FRAS1: variants seen among roughly 807,000 people sequenced by gnomAD.
FRAS1 encodes the protein Fraser extracellular matrix complex subunit 1, also known as extracellular matrix organizing protein FRAS1.
In FRAS1, 290 loss-of-function variants were observed where a neutral mutation model predicts 435.2. That is an observed-to-expected ratio of 0.67 (90% confidence interval 0.61 to 0.73). The LOEUF (loss-of-function observed/expected upper bound fraction) is 0.73. FRAS1 is among the 30% of genes least tolerant of loss of function. The pLI is 0.00. For missense variants in FRAS1, 4,860 were observed against 5,001.5 expected, an observed-to-expected ratio of 0.97 and a Z score of 0.85; for synonymous variants, 1,800 against 1,851.0, an observed-to-expected ratio of 0.97 and a Z score of 0.71.
chr4:78,270,739 A>G (rs766575036), intron 9 of FRAS1, among the ~76,000 whole-genome samples: 1 of 152,110 alleles, frequency 6.6e-6, no homozygotes, highest in African/African-American at 2.4e-5. Flanking sequence ...TTACATGCAT[A>G]TCAACTCTTT....
chr4:78,089,388 C>T (rs1341049107), intron 2 of FRAS1, among the ~76,000 whole-genome samples: 2 of 151,802 alleles, frequency 1.3e-5, no homozygotes, highest in Admixed American at 6.6e-5. Context: ...ATGTAACAAA[C>T]CTGCACATTG....
At chr4:78,506,605 A>G (rs768903452) in intron 61 of FRAS1, among the ~76,000 whole-genome samples, 30 of 152,204 alleles carry the variant, frequency 2.0e-4, no homozygotes, top group Non-Finnish European at 8.8e-5. Flanking sequence ...AGACTGTGGG[A>G]AAAGTGCAGT....
rs376208393 is a variant in FRAS1 at position 78,218,090 on chromosome 4, A to ACTCTCT, written c.109-19416_109-19411dup. Among the ~76,000 whole-genome samples the ACTCTCT allele has an allele frequency of 3.4e-4, 5 of 14,540 alleles. 1 individual carries two copies. The highest frequency in any genetic ancestry group is 1.0e-3 in the African/African-American group (5 of 4,888). 9.5% of individuals were successfully genotyped at this position (14,540 alleles called of 152,430 possible). On this transcript the variant is annotated intron_variant, in intron 2 of 73. Coordinates refer to ENST00000512123, the MANE Select transcript of FRAS1 (RefSeq NM_025074.7). ...TCTCTCTCCCTTCTCTCTCTCTCTC[A>ACTCTCT]CTCTCTCTCACACACACACACACAC...
chr4:78,311,048 A>C (rs1305067618), intron 15 of FRAS1, among the ~76,000 whole-genome samples: 1 of 151,982 alleles, frequency 6.6e-6, no homozygotes, highest in Non-Finnish European at 1.5e-5. Context: ...AAAGGAGGAA[A>C]CCTCCTCATT....
Position 78,418,933 on chromosome 4 carries a change from C to T in FRAS1, c.4426-16C>T. ...TTCATACCATGTGTTCCTCTTCCTT[C>T]TTAAACTTTGTTTAGGCTAGAGAAG... On this transcript the variant is annotated splice_polypyrimidine_tract_variant and intron_variant, in intron 32 of 73. Transcript: ENST00000512123. 1.3e-6 allele frequency: 2 copies of T among 1,497,270 alleles called. No homozygotes were observed. Among genetic ancestry groups the T allele is most frequent in the Non-Finnish European group, 1.8e-6 (2 of 1,084,852 alleles). 92.7% of individuals were successfully genotyped at this position (1,497,270 alleles called of 1,614,324 possible). A position where few individuals can be genotyped will look rare whatever the true frequency, so the allele number is the denominator to read the frequency against.
chr4:78,530,210 T>G (rs1721670053), intron 70 of FRAS1, among the ~76,000 whole-genome samples: 1 of 152,056 alleles, frequency 6.6e-6, no homozygotes, highest in Non-Finnish European at 1.5e-5. Context: ...GTTCTGGATT[T>G]TTTAAGGGGA....
intron 14 of FRAS1, among the ~76,000 whole-genome samples, chr4:78,304,987 T>C (rs1211819818): frequency 1.5e-4 from 23 of 152,366 alleles, no homozygotes; most frequent in African/African-American, 5.3e-4. Flanking sequence ...CTGCTTTCTC[T>C]TGTGGGCATT....
intron 2 of FRAS1, among the ~76,000 whole-genome samples, chr4:78,195,763 T>A (rs1269293579): frequency 6.6e-6 from 1 of 152,070 alleles, no homozygotes; most frequent in East Asian, 1.9e-4. Context: ...TCACACTCAG[T>A]GCGCTGCACC....
chr4:78,086,412 A>T (rs552204424), intron 2 of FRAS1, among the ~76,000 whole-genome samples: 5 of 152,340 alleles, frequency 3.3e-5, no homozygotes, highest in Admixed American at 6.5e-5. Flanking sequence ...AGAAGGCAAG[A>T]AATAACTAAG....
intron 59 of FRAS1, among the ~76,000 whole-genome samples, chr4:78,494,873 A>G (rs565998918): frequency 6.6e-6 from 1 of 152,310 alleles, no homozygotes; most frequent in African/African-American, 2.4e-5. Flanking sequence ...CAGTTTATCA[A>G]AATCAATTTT....
Position 78,539,436 on chromosome 4 carries a change from A to G in FRAS1, c.11441A>G (p.Tyr3814Cys), listed in dbSNP as rs780757774. ...TTTACTCTAAAAGTAGATGCACTCTATAAGGTGAGTTTGGTGAGAAGAACA... is the reference window on the plus strand; with the variant it reads ...TTTACTCTAAAAGTAGATGCACTCTGTAAGGTGAGTTTGGTGAGAAGAACA... ...DGFTLKVDAL[Y>C]KVEAGHQWYL... Residue 3814 changes from tyrosine to cysteine, a missense_variant, in exon 73 of 74, where the codon TAT (tyrosine) becomes TGT (cysteine). By Grantham distance (194) the Tyr-to-Cys change is radical. Coordinates refer to ENST00000512123, the MANE Select transcript of FRAS1 (RefSeq NM_025074.7). 43 of 1,606,274 alleles carry G rather than the reference A, an allele frequency of 2.7e-5. 1 individual carries two copies. Among genetic ancestry groups the G allele is most frequent in the Non-Finnish European group, 5.1e-6 (6 of 1,177,224 alleles).
At chr4:78,129,932 C>G (rs1719599577) in intron 2 of FRAS1, among the ~76,000 whole-genome samples, 1 of 152,018 alleles carries the variant, frequency 6.6e-6, no homozygotes, top group Non-Finnish European at 1.5e-5. Context: ...TTGTTGCTGC[C>G]CCTGGCCCCA....
chr4:78,091,783 G>A (rs1741538321), intron 2 of FRAS1, among the ~76,000 whole-genome samples: 1 of 151,646 alleles, frequency 6.6e-6, no homozygotes, highest in African/African-American at 2.4e-5. Flanking sequence ...TCAGCCTCCT[G>A]AGTAGCTCAT....
Position 78,337,944 on chromosome 4 carries a change from C to T in FRAS1, c.2422+127C>T, listed in dbSNP as rs1242748513. On this transcript the variant is annotated intron_variant, in intron 20 of 73. Transcript: ENST00000512123. ...TTTATAGGAGACATTTGTTTCATGTCTGGAAACTCATGTTACTGCTTCTCC... is the reference window on the plus strand; with the variant it reads ...TTTATAGGAGACATTTGTTTCATGTTTGGAAACTCATGTTACTGCTTCTCC... 3.4e-6 allele frequency: 3 copies of T among 870,544 alleles called. No homozygotes were observed. In the Admixed American group the frequency reaches 6.4e-5, roughly 19 times the overall value. 53.9% of individuals were successfully genotyped at this position (870,544 alleles called of 1,614,324 possible).
At chr4:78,427,749 C>T (rs547949444) in intron 35 of FRAS1, among the ~76,000 whole-genome samples, 36 of 152,218 alleles carry the variant, frequency 2.4e-4, no homozygotes, top group Admixed American at 2.6e-4. Context: ...TGTTTCTGAA[C>T]ATCTCCAAGA....
At chr4:78,430,957 A>G (rs1334949718) in intron 37 of FRAS1, among the ~76,000 whole-genome samples, 2 of 152,228 alleles carry the variant, frequency 1.3e-5, no homozygotes, top group Non-Finnish European at 2.9e-5. Flanking sequence ...AAAAAATAAT[A>G]TATGTTTATT....
rs78776962 is a variant in FRAS1, at chr4:78,381,820, G to A, written c.3563+1824G>A. On this transcript the variant is annotated intron_variant, in intron 27 of 73. Transcript: ENST00000512123. ...AATGGCAGTTTAGGAAATCCTCACAGTACTCTTTTTGGGGTACCCATTTTA... is the reference window on the plus strand; with the variant it reads ...AATGGCAGTTTAGGAAATCCTCACAATACTCTTTTTGGGGTACCCATTTTA... 9.2e-3 allele frequency among the ~76,000 whole-genome samples: 1,405 copies of A among 152,222 alleles called. 16 individuals are homozygous for A. The highest frequency in any genetic ancestry group is 0.033 in the African/African-American group (1,353 of 41,512).
chr4:78,118,767 CG>C (rs1247964531), intron 2 of FRAS1, among the ~76,000 whole-genome samples: 3 of 152,150 alleles, frequency 2.0e-5, no homozygotes, highest in Non-Finnish European at 4.4e-5. Context: ...TTGCCCTTCC[CG>C]GGTGAGGCAA....
intron 5 of FRAS1, 134 bp downstream of exon 5, chr4:78,252,685 A>G: frequency 1.2e-6 from 1 of 867,038 alleles, no homozygotes; most frequent in Non-Finnish European, 1.7e-6. Flanking sequence ...AGAAATAGAA[A>G]GAGTACAAAG....
Sources: allele counts gnomAD v4.1 joint callset (sites outside exome capture counted in the v4.1 genomes callset), GRCh38; gene constraint gnomAD v4.1.1; transcripts MANE v1.5; gene names NCBI Gene and HGNC (gene_info 2026-07-23, HGNC 2026-07-21).